Variants in GARNL3 observed in about 807,000 individuals in gnomAD.
GARNL3 encodes the protein GTPase activating Rap/RanGAP domain like 3, also known as GTPase-activating Rap/Ran-GAP domain-like protein 3.
In GARNL3, 63 loss-of-function variants were observed where a neutral mutation model predicts 125.0. The observed-to-expected ratio is 0.50, with a 90% confidence interval of 0.41 to 0.62. The LOEUF is 0.62. GARNL3 is among the 20% of genes least tolerant of loss of function. The pLI is 0.00. For synonymous variants in GARNL3, 439 were observed against 457.5 expected (o/e 0.96, Z 0.52); for missense variants, 994 against 1,244.0 (o/e 0.80, Z 3.02).
chr9:127,383,584 G>C, intron 23 of GARNL3, 39 bp downstream of exon 23: 1 of 1,356,608 alleles, frequency 7.4e-7, no homozygotes, highest in Non-Finnish European at 1.0e-6. Context: ...TCTCCTTCAT[G>C]GATATGTCTG....
intron 1 of GARNL3, among the ~76,000 whole-genome samples, chr9:127,238,994 G>C (rs752276691): frequency 5.9e-5 from 9 of 152,080 alleles, no homozygotes; most frequent in Middle Eastern, 3.2e-3. Flanking sequence ...AGTGGGGAGG[G>C]TACAGAAGCA....
chr9:127,344,228 T>G lies in GARNL3; in HGVS notation c.1252-7T>G. 6.3e-7 allele frequency: 1 copy of G among 1,589,490 alleles called. No homozygotes were observed. Among genetic ancestry groups the G allele is most frequent in the Non-Finnish European group, 8.6e-7 (1 of 1,167,126 alleles). ...TGTGGAATTCATAACTTGTTTTTCTTTTTTAGAACATGCTTAATAGACGAT... is the reference window on the plus strand; with the variant it reads ...TGTGGAATTCATAACTTGTTTTTCTGTTTTAGAACATGCTTAATAGACGAT... On this transcript the variant is annotated splice_polypyrimidine_tract_variant and splice_region_variant and intron_variant, in intron 14 of 27. Transcript: ENST00000373387.
intron 21 of GARNL3, among the ~76,000 whole-genome samples, chr9:127,361,205 A>G (rs1018628313): frequency 4.6e-5 from 7 of 152,186 alleles, no homozygotes; most frequent in Admixed American, 1.3e-4. Flanking sequence ...TACAACCACC[A>G]TACATTATTT....
chr9:127,296,849 G>A (rs1230661623), intron 2 of GARNL3, among the ~76,000 whole-genome samples: 1 of 151,708 alleles, frequency 6.6e-6, no homozygotes. Flanking sequence ...TGGAGGTTGG[G>A]GTATGGAGCT....
chr9:127,385,151 TA>T lies in GARNL3; in HGVS notation c.2388+7del. ...TGCAGCTGGTGGCCTCCAGGGTGAG[TA>T]GGACTGGGATTTTATCTCTGAGTGG... On this transcript the variant is annotated splice_region_variant and intron_variant, in intron 24 of 27. Coordinates refer to ENST00000373387, the MANE Select transcript of GARNL3 (RefSeq NM_032293.5). This position sits in a 1 kb window ranked among gnomAD's most constrained non-coding sequence, Gnocchi z 4.1. The T allele has an allele frequency of 6.3e-7, 1 of 1,576,222 alleles. No homozygotes were observed. The highest frequency in any genetic ancestry group is 1.3e-5 in the African/African-American group (1 of 74,098).
chr9:127,325,010 G>C, intron 6 of GARNL3, 59 bp from the exon 7 acceptor site: 1 of 1,530,830 alleles, frequency 6.5e-7, no homozygotes, highest in Non-Finnish European at 9.0e-7. Flanking sequence ...TTCACAGCAA[G>C]TCAAAATGAA....
chr9:127,261,756 T>C (rs1294142951), upstream of GARNL3, among the ~76,000 whole-genome samples: 2 of 152,156 alleles, frequency 1.3e-5, no homozygotes, highest in Non-Finnish European at 2.9e-5. Flanking sequence ...GAGGTGCCCC[T>C]CATTTCTACC....
chr9:127,320,246 T>C (rs1315900915), intron 5 of GARNL3, among the ~76,000 whole-genome samples: 1 of 152,210 alleles, frequency 6.6e-6, no homozygotes, highest in Non-Finnish European at 1.5e-5. Context: ...CTTATAAATA[T>C]TGGAATATTA....
chr9:127,264,056 C>T, upstream of GARNL3: 1 of 1,021,426 alleles, frequency 9.8e-7, no homozygotes, highest in Non-Finnish European at 1.4e-6. Flanking sequence ...ATATAGTAAA[C>T]ATGTTATTCC....
intron 1 of GARNL3, among the ~76,000 whole-genome samples, chr9:127,238,355 G>A (rs774908930): frequency 2.4e-4 from 37 of 152,170 alleles, no homozygotes; most frequent in Non-Finnish European, 4.3e-4. Flanking sequence ...CTGGACTGCT[G>A]TTACTTCCTT....
At chr9:127,248,323 A>G (rs989523345) in intron 2 of GARNL3, among the ~76,000 whole-genome samples, 2 of 152,058 alleles carry the variant, frequency 1.3e-5, no homozygotes, top group African/African-American at 4.8e-5. Context: ...TCCTGTTTCT[A>G]TGTAGGAAAA....
chr9:127,347,988 T>C (rs1830229991), intron 16 of GARNL3, among the ~76,000 whole-genome samples: 1 of 152,204 alleles, frequency 6.6e-6, no homozygotes, highest in Admixed American at 6.5e-5. Flanking sequence ...TCAGAGCCCT[T>C]TGCTTTACCT....
chr9:127,231,043 TATA>T, intron 1 of GARNL3, among the ~76,000 whole-genome samples: 1 of 47,824 alleles, frequency 2.1e-5, no homozygotes, highest in South Asian at 5.8e-4. Context: ...TACATATATA[TATA>T]TATATTTTTT....
chr9:127,370,772 C>T (rs2131748894), intron 22 of GARNL3, among the ~76,000 whole-genome samples: 1 of 152,292 alleles, frequency 6.6e-6, no homozygotes, highest in East Asian at 1.9e-4. Context: ...CTCCAGTCAC[C>T]CCTTAAACGC....
intron 19 of GARNL3, 54 bp downstream of exon 19, chr9:127,354,464 C>A: frequency 1.9e-6 from 2 of 1,055,582 alleles, no homozygotes; most frequent in Non-Finnish European, 2.9e-6. Flanking sequence ...TTTCCTCAGG[C>A]TGCCCAGGTT....
intron 1 of GARNL3, among the ~76,000 whole-genome samples, chr9:127,231,052 T>TATA (rs1271085624): frequency 0.092 from 6,503 of 71,060 alleles, 200 homozygotes; most frequent in East Asian, 0.22. Context: ...ATATATATAT[T>TATA]TTTTTTTTTT....
intron 1 of GARNL3, among the ~76,000 whole-genome samples, chr9:127,275,915 C>G (rs570004895): frequency 6.6e-5 from 10 of 152,180 alleles, no homozygotes; most frequent in African/African-American, 2.2e-4. Flanking sequence ...TCAAACTGTG[C>G]GTGCATAATA....
intron 17 of GARNL3, among the ~76,000 whole-genome samples, chr9:127,350,234 T>C (rs1372774989): frequency 1.3e-5 from 2 of 152,212 alleles, no homozygotes; most frequent in African/African-American, 4.8e-5. Context: ...AACTGTGATC[T>C]GAAAGAAAAC....
chr9:127,288,919 G>A (rs186729183), intron 1 of GARNL3, among the ~76,000 whole-genome samples: 66 of 152,264 alleles, frequency 4.3e-4, no homozygotes, highest in African/African-American at 1.6e-3. Flanking sequence ...GGGAGGGTGT[G>A]TCCCACGTCT....
Sources: allele counts gnomAD v4.1 joint callset (sites outside exome capture counted in the v4.1 genomes callset), GRCh38; gene constraint gnomAD v4.1.1; non-coding constraint Gnocchi (gnomAD v3.1); transcripts MANE v1.5; gene names NCBI Gene and HGNC (gene_info 2026-07-23, HGNC 2026-07-21).